AADACL4: variants seen among roughly 807,000 people sequenced by gnomAD.
AADACL4 encodes arylacetamide deacetylase like 4, also known as arylacetamide deacetylase-like 4.
A neutral mutation model predicts 14.1 loss-of-function variants in AADACL4; 9 were observed. The ratio of observed to expected loss-of-function variants is 0.64; its 90% confidence interval spans 0.39 to 1.12. AADACL4 has a LOEUF of 1.12. AADACL4 is among the 50% of genes most tolerant of loss of function. The probability of loss-of-function intolerance (pLI) is 0.01; values close to 1 mark genes in which losing one functional copy is unlikely to be tolerated. For synonymous variants in AADACL4, 188 were observed against 201.6 expected (o/e 0.93, Z 0.57); for missense variants, 531 against 516.1 (o/e 1.03, Z -0.28).
intron 1 of AADACL4, among the ~76,000 whole-genome samples, chr1:12,649,116 G>A (rs1647129846): frequency 6.6e-6 from 1 of 152,332 alleles, no homozygotes; most frequent in Non-Finnish European, 1.5e-5. Context: ...TTTGGAGGCA[G>A]AGGTTGCAGT....
In AADACL4 at chr1:12,666,237, A is replaced by T; in HGVS notation, c.726A>T (p.Pro242=). The T allele has an allele frequency of 6.2e-7, 1 of 1,614,228 alleles. No homozygotes were observed. ...LPSFQQNQNV[P]LLSRKFMVTS... ...CCTTTCAGCAGAACCAAAATGTCCC[A>T]TTACTTTCCCGGAAGTTCATGGTGA... The change falls in exon 4 of 4, where the codon CCA becomes CCT. Residue 242 remains proline (P), a synonymous_variant. Transcript: ENST00000376221.
At chr1:12,653,156 C>T (rs1018257416) in intron 2 of AADACL4, among the ~76,000 whole-genome samples, 1 of 152,138 alleles carries the variant, frequency 6.6e-6, no homozygotes, top group African/African-American at 2.4e-5. Flanking sequence ...ATGGGTGACC[C>T]AAGGTGGGTC....
intron 2 of AADACL4, among the ~76,000 whole-genome samples, chr1:12,652,972 T>C (rs985360942): frequency 6.6e-6 from 1 of 152,234 alleles, no homozygotes; most frequent in Non-Finnish European, 1.5e-5. Context: ...AATTTTCTAT[T>C]CTTCTGCGAC....
intron 1 of AADACL4, among the ~76,000 whole-genome samples, chr1:12,646,322 C>T (rs1359035403): frequency 6.6e-6 from 1 of 152,194 alleles, no homozygotes; most frequent in Non-Finnish European, 1.5e-5. Context: ...GTTTCCTCAT[C>T]TGGGAGGGTT....
intron 1 of AADACL4, among the ~76,000 whole-genome samples, chr1:12,646,986 G>C (rs754466082): frequency 1.3e-5 from 2 of 152,058 alleles, no homozygotes; most frequent in Non-Finnish European, 2.9e-5. Context: ...GAAATCAAGA[G>C]CTTTGTTTCG....
chr1:12,665,962 T>C lies in AADACL4; in HGVS notation c.451T>C (p.Tyr151His). The C allele has an allele frequency of 6.2e-7, 1 of 1,601,404 alleles. No homozygotes were observed. The highest frequency in any genetic ancestry group is 8.5e-7 in the Non-Finnish European group (1 of 1,171,954). ...TGTTGCTCCCTGTTTTCGTTTTAGGTACCGCAAGCTTCCTGACCACCATTC... is the reference window on the plus strand; with the variant it reads ...TGTTGCTCCCTGTTTTCGTTTTAGGCACCGCAAGCTTCCTGACCACCATTC... Reference protein sequence around the residue: ...ETESVLLMIGYRKLPDHHSPA... With the variant: ...ETESVLLMIGHRKLPDHHSPA... Residue 151 changes from tyrosine to histidine, a missense_variant and splice_region_variant, in exon 4 of 4, where the codon TAC becomes CAC. Coordinates refer to ENST00000376221, the MANE Select transcript of AADACL4 (RefSeq NM_001013630.2).
chr1:12,651,057 C>T, intron 1 of AADACL4, 66 bp from the exon 2 acceptor site: 3 of 1,452,852 alleles, frequency 2.1e-6, no homozygotes, highest in South Asian at 2.3e-5. Flanking sequence ...TTCTAAGTGT[C>T]AGGGAATCTA....
Position 12,644,484 on chromosome 1 carries a change from T to C in AADACL4, c.-63T>C. 3 of 1,575,450 alleles carry C rather than the reference T, an allele frequency of 1.9e-6. No individual in the cohort carries two copies. In the South Asian group the frequency reaches 3.5e-5, roughly 19 times the overall value. ...AGGCGGAGGGTGTAACCCAGCCAGG[T>C]CCTCTTCACATAAGCTATCAGACAA... On this transcript the variant is annotated 5_prime_UTR_variant, in exon 1 of 4. Coordinates refer to ENST00000376221, the MANE Select transcript of AADACL4 (RefSeq NM_001013630.2).
At chr1:12,647,165 C>G (rs1647117082) in intron 1 of AADACL4, among the ~76,000 whole-genome samples, 1 of 150,908 alleles carries the variant, frequency 6.6e-6, no homozygotes, top group Admixed American at 6.6e-5. Context: ...GTGAACACGG[C>G]TCACTGCAGC....
At chr1:12,655,338 G>A (rs1647174952) in intron 2 of AADACL4, among the ~76,000 whole-genome samples, 2 of 152,108 alleles carry the variant, frequency 1.3e-5, no homozygotes, top group African/African-American at 4.8e-5. Context: ...GCCATGTCAA[G>A]AGTCACTGAG....
At chr1:12,645,885 C>T (rs760127755) in intron 1 of AADACL4, among the ~76,000 whole-genome samples, 2 of 152,160 alleles carry the variant, frequency 1.3e-5, no homozygotes, top group Non-Finnish European at 2.9e-5. Context: ...TAAGCCCAGT[C>T]CCACTCACAG....
chr1:12,658,364 G>A (rs1647200240), intron 2 of AADACL4, among the ~76,000 whole-genome samples: 1 of 151,708 alleles, frequency 6.6e-6, no homozygotes, highest in Non-Finnish European at 1.5e-5. Flanking sequence ...ATTCAAGCGA[G>A]TATCGTGCCT....
chr1:12,664,322 G>A (rs1044378212), intron 3 of AADACL4, among the ~76,000 whole-genome samples: 1 of 151,966 alleles, frequency 6.6e-6, no homozygotes, highest in Non-Finnish European at 1.5e-5. Flanking sequence ...GTGATAATTA[G>A]AATATACCTT....
At chr1:12,650,783 G>A (rs1450744434) in intron 1 of AADACL4, among the ~76,000 whole-genome samples, 6 of 152,054 alleles carry the variant, frequency 3.9e-5, no homozygotes, top group African/African-American at 1.2e-4. Flanking sequence ...CGTCCACCTC[G>A]GCCTCCCAAA....
At chr1:12,658,182 T>TTC (rs1363429317) in intron 2 of AADACL4, among the ~76,000 whole-genome samples, 1 of 146,198 alleles carries the variant, frequency 6.8e-6, no homozygotes, top group Admixed American at 6.8e-5. Context: ...CTTTCTCTCT[T>TTC]TCTTTCTCTC....
chr1:12,666,473 T>A lies in AADACL4; in HGVS notation c.962T>A (p.Val321Glu). Residue 321 changes from valine (V) to glutamate (E), a missense_variant, in exon 4 of 4, where the codon GTA becomes GAA. Val to Glu is a moderately radical substitution (Grantham distance 121). Transcript: ENST00000376221. ...AYLEAKHMLD[V>E]ENSPLIADDE... ...CTAGAAGCCAAACATATGCTGGATG[T>A]AGAAAATTCACCCCTGATAGCAGAT... The A allele has an allele frequency of 6.2e-7, 1 of 1,614,174 alleles. No homozygotes were observed. The highest frequency in any genetic ancestry group is 8.5e-7 in the Non-Finnish European group (1 of 1,180,028).
intron 1 of AADACL4, among the ~76,000 whole-genome samples, chr1:12,649,375 A>C (rs1647131154): frequency 6.6e-6 from 1 of 152,182 alleles, no homozygotes; most frequent in Non-Finnish European, 1.5e-5. Context: ...TGGGGAGATT[A>C]GTGCTGGGGC....
rs1647344650 is a variant in AADACL4, at chr1:12,666,669, G to A, written c.1158G>A (p.Lys386=). ...GATCCATTATCTTTTTTGATAAGAAGGCTCTCTCTTTCCCATGTTCCCTGA... is the reference window on the plus strand; with the variant it reads ...GATCCATTATCTTTTTTGATAAGAAAGCTCTCTCTTTCCCATGTTCCCTGA... ...FHGSIIFFDK[K]ALSFPCSLKI... is the part of the protein sequence containing the mutation. Residue 386 remains lysine, a synonymous_variant, in exon 4 of 4, where the codon AAG becomes AAA. Coordinates refer to ENST00000376221, the MANE Select transcript of AADACL4 (RefSeq NM_001013630.2). 1 of 1,614,068 alleles carries A rather than the reference G, an allele frequency of 6.2e-7. No homozygotes were observed. The highest frequency in any genetic ancestry group is 8.5e-7 in the Non-Finnish European group (1 of 1,180,024).
At chr1:12,662,934 C>G (rs909650602) in intron 3 of AADACL4, among the ~76,000 whole-genome samples, 8 of 152,156 alleles carry the variant, frequency 5.3e-5, no homozygotes, top group African/African-American at 1.9e-4. Context: ...ACAGGTAGCA[C>G]ATAAAGGTAT....
Sources: gnomAD v4.1 joint callset for allele counts (sites outside exome capture counted in the v4.1 genomes callset) on GRCh38, gnomAD v4.1.1 for gene constraint, MANE v1.5 for transcripts, NCBI Gene and HGNC (gene_info 2026-07-23, HGNC 2026-07-21) for gene names.